Variants in IMMP1L observed in about 807,000 individuals in gnomAD.
The protein encoded by IMMP1L is inner mitochondrial membrane peptidase subunit 1, also known as mitochondrial inner membrane protease subunit 1.
In IMMP1L, 24 loss-of-function variants were observed where a neutral mutation model predicts 21.8. That is an observed-to-expected ratio of 1.10 (90% confidence interval 0.80 to 1.55). The LOEUF (loss-of-function observed/expected upper bound fraction) is 1.55, where lower values mean the gene tolerates loss of function less well. Among genes scored for constraint, IMMP1L ranks in the 40% most tolerant of loss-of-function variants. IMMP1L has a pLI of 0.00. For synonymous variants in IMMP1L, 46 were observed against 62.8 expected, an observed-to-expected ratio of 0.73 and a Z score of 1.26; for missense variants, 195 against 200.7, an observed-to-expected ratio of 0.97 and a Z score of 0.17.
At chr11:31,470,607 A>G (rs1954516121) in intron 1 of IMMP1L, among the ~76,000 whole-genome samples, 1 of 152,248 alleles carries the variant, frequency 6.6e-6, no homozygotes, top group African/African-American at 2.4e-5. Context: ...CATATGATCC[A>G]GCAATTCCAC....
chr11:31,468,655 T>C (rs1044100875), intron 1 of IMMP1L, among the ~76,000 whole-genome samples: 3 of 152,160 alleles, frequency 2.0e-5, no homozygotes, highest in African/African-American at 7.2e-5. Context: ...ATAGTGAACA[T>C]GATGCCTTCT....
At chr11:31,464,808 T>G (rs1447253998) in intron 1 of IMMP1L, among the ~76,000 whole-genome samples, 6 of 151,992 alleles carry the variant, frequency 3.9e-5, no homozygotes, top group African/African-American at 1.4e-4. Context: ...TAAAAGGCAA[T>G]ATATGACAAA....
At chr11:31,490,823 T>C (rs1592030122) in intron 1 of IMMP1L, among the ~76,000 whole-genome samples, 4 of 152,132 alleles carry the variant, frequency 2.6e-5, no homozygotes. Context: ...TAAGGACCAA[T>C]GTGAGATCAT....
chr11:31,498,965 A>C (rs184098156), intron 1 of IMMP1L, among the ~76,000 whole-genome samples: 14 of 152,368 alleles, frequency 9.2e-5, no homozygotes, highest in Non-Finnish European at 1.9e-4. Flanking sequence ...ATACTAAAGA[A>C]GATACTTTAC....
chr11:31,488,920 G>A (rs183840476), intron 1 of IMMP1L, among the ~76,000 whole-genome samples: 12 of 151,146 alleles, frequency 7.9e-5, no homozygotes, highest in Admixed American at 1.3e-4. Context: ...TTTTTGAGGC[G>A]GAGTCTCGCT....
chr11:31,442,225 A>G (rs562790528), intron 4 of IMMP1L, among the ~76,000 whole-genome samples: 1 of 152,314 alleles, frequency 6.6e-6, no homozygotes, highest in East Asian at 1.9e-4. Flanking sequence ...GCTGGACAAA[A>G]GAATCAAGCC....
chr11:31,509,271 AAG>A (rs1336108593), intron 1 of IMMP1L, among the ~76,000 whole-genome samples: 1 of 152,186 alleles, frequency 6.6e-6, no homozygotes, highest in African/African-American at 2.4e-5. Flanking sequence ...TCATTAAGGT[AAG>A]AGATCCCATC....
chr11:31,497,096 T>C (rs564129621), intron 1 of IMMP1L, among the ~76,000 whole-genome samples: 1 of 151,338 alleles, frequency 6.6e-6, no homozygotes, highest in African/African-American at 2.4e-5. Flanking sequence ...ATGGTTTCAC[T>C]TATGATTTTC....
chr11:31,452,750 TTTTTC>T (rs1191251212), intron 4 of IMMP1L: 6 of 1,015,210 alleles, frequency 5.9e-6, no homozygotes, highest in African/African-American at 1.7e-5. Flanking sequence ...AGCATCTTTT[TTTTTC>T]TTTTCTTTTC....
At chr11:31,503,566 G>T (rs1235093586) in intron 1 of IMMP1L, among the ~76,000 whole-genome samples, 3 of 152,090 alleles carry the variant, frequency 2.0e-5, no homozygotes, top group African/African-American at 7.2e-5. Flanking sequence ...TTATTTATCA[G>T]CAATAAATAA....
At chr11:31,477,786 C>T (rs1428124151) in intron 1 of IMMP1L, 1 of 152,374 alleles carries the variant, frequency 6.6e-6, no homozygotes. Flanking sequence ...CCACATGCAG[C>T]TGCTGTTTTA....
intron 2 of IMMP1L, among the ~76,000 whole-genome samples, chr11:31,461,452 A>C (rs1298253273): frequency 6.6e-6 from 1 of 152,174 alleles, no homozygotes; most frequent in Admixed American, 6.5e-5. Flanking sequence ...TGTATGTCTC[A>C]AAACAATAAT....
At chr11:31,496,291 T>C (rs1205218195) in intron 1 of IMMP1L, among the ~76,000 whole-genome samples, 1 of 152,186 alleles carries the variant, frequency 6.6e-6, no homozygotes, top group African/African-American at 2.4e-5. Flanking sequence ...TCATATGCAT[T>C]AGGATGACTA....
At chr11:31,471,344 A>C (rs1428886019) in intron 1 of IMMP1L, among the ~76,000 whole-genome samples, 1 of 152,112 alleles carries the variant, frequency 6.6e-6, no homozygotes, top group Non-Finnish European at 1.5e-5. Context: ...CTTCCCTCTG[A>C]AGTGTTCCCT....
At position 31,456,283 on chromosome 11, in the gene IMMP1L, C is replaced by T. The variant is rs777002141; in HGVS notation, c.298G>A (p.Asp100Asn). The change falls in exon 4 of 6, where the codon GAT becomes AAT. Residue 100 changes from aspartate (D) to asparagine (N), a missense_variant. Physicochemically the swap from Asp to Asn is conservative, Grantham distance 23. Coordinates refer to ENST00000532287, the MANE Select transcript of IMMP1L (RefSeq NM_001304274.2). ...GDKILTTSPSDFFKSHSYVPM... is the reference protein window; with the variant it reads ...GDKILTTSPSNFFKSHSYVPM... The stretch of plus-strand genomic sequence containing the variant: ...ACATAACTATGGCTTTTAAAGAAAT[C>T]TGATGGACTAGTGGTGAGGATTTTG... The T allele has an allele frequency of 1.3e-6, 2 of 1,598,182 alleles. No individual in the cohort carries two copies. Among genetic ancestry groups the T allele is most frequent in the East Asian group, 2.2e-5 (1 of 44,616 alleles).
chr11:31,465,476 AC>A (rs1954303544), intron 1 of IMMP1L, among the ~76,000 whole-genome samples: 2 of 152,096 alleles, frequency 1.3e-5, no homozygotes, highest in South Asian at 4.1e-4. Flanking sequence ...GAACCACAAG[AC>A]CCCAAATAAC....
At position 31,487,819 on chromosome 11, in the gene IMMP1L, C is replaced by G. The variant is rs570607701; in HGVS notation, c.-30+21700G>C. ...GTTATTCCAACTTTTAGATGCTGCT[C>G]AACAGGAAGCAGACAATGAAATTTT... On this transcript the variant is annotated intron_variant, in intron 1 of 5. Transcript: ENST00000532287. 7.2e-5 allele frequency among the ~76,000 whole-genome samples: 11 copies of G among 152,116 alleles called. 1 individual carries two copies. In the South Asian group the frequency reaches 2.3e-3, roughly 32 times the overall value.
chr11:31,458,533 A>G (rs567214920), intron 3 of IMMP1L, among the ~76,000 whole-genome samples: 1 of 152,256 alleles, frequency 6.6e-6, no homozygotes, highest in Non-Finnish European at 1.5e-5. Flanking sequence ...CTAGATATGC[A>G]AACTTTTATT....
intron 1 of IMMP1L, among the ~76,000 whole-genome samples, chr11:31,488,765 T>A (rs1049452921): frequency 6.6e-6 from 1 of 152,178 alleles, no homozygotes; most frequent in Admixed American, 6.5e-5. Flanking sequence ...AGTTATAATA[T>A]GACAAAGGCA....
Sources: allele counts gnomAD v4.1 joint callset (sites outside exome capture counted in the v4.1 genomes callset), GRCh38; gene constraint gnomAD v4.1.1; transcripts MANE v1.5; gene names NCBI Gene and HGNC (gene_info 2026-07-23, HGNC 2026-07-21).